The following SLC2A10 variants were observed in gnomAD, a reference collection of about 807,000 sequenced individuals.
The protein encoded by SLC2A10 is solute carrier family 2 member 10, also known as solute carrier family 2, facilitated glucose transporter member 10.
A neutral mutation model predicts 32.1 loss-of-function variants in SLC2A10; 25 were observed. The ratio of observed to expected loss-of-function variants is 0.78; its 90% CI spans 0.57 to 1.09. The LOEUF (loss-of-function observed/expected upper bound fraction) is 1.09. Among genes scored for constraint, SLC2A10 ranks in the 50% least tolerant of loss-of-function variants. The pLI is 0.00. For missense variants in SLC2A10, 673 were observed against 686.5 expected, an observed-to-expected ratio of 0.98 and a Z score of 0.22; for synonymous variants, 332 against 309.6, an observed-to-expected ratio of 1.07 and a Z score of -0.76.
At position 46,734,280 on chromosome 20, in the gene SLC2A10, T is replaced by G. The variant is rs1238773015; in HGVS notation, c.*446T>G. On this transcript the variant is annotated 3_prime_UTR_variant, in exon 5 of 5. Transcript: ENST00000359271. ...CATTTTCGGAAGGGGGAAGTCTCTT[T>G]TTTTACTCTTATCATTTTTTTTTTT... 4.8e-6 allele frequency: 1 copy of G among 207,206 alleles called. No individual in the cohort carries two copies. Among genetic ancestry groups the G allele is most frequent in the Non-Finnish European group, 9.5e-6 (1 of 104,980 alleles). 12.8% of individuals were successfully genotyped at this position (207,206 alleles called of 1,614,324 possible).
chr20:46,724,502 A>C (rs1327252218), intron 1 of SLC2A10, among the ~76,000 whole-genome samples: 1 of 152,190 alleles, frequency 6.6e-6, no homozygotes, highest in Non-Finnish European at 1.5e-5. Context: ...ATTTGGATGG[A>C]TGAAGTAGAT....
At chr20:46,728,877 G>T (rs146482966) in intron 3 of SLC2A10, among the ~76,000 whole-genome samples, 6,676 of 151,958 alleles carry the variant, frequency 0.044, 257 homozygotes, top group East Asian at 0.22. Context: ...CTCCCACTTT[G>T]GCCTCCCAAA....
At chr20:46,714,532 G>A (rs1403589959) in intron 1 of SLC2A10, 1 of 152,724 alleles carries the variant, frequency 6.5e-6, no homozygotes, top group African/African-American at 2.4e-5. Context: ...AGGGAGAGTA[G>A]AGGAACAAGG....
chr20:46,733,825 G>A lies in SLC2A10; in HGVS notation c.1617G>A (p.Ala539=), dbSNP rs114974138. The A allele has an allele frequency of 9.0e-4, 1,446 of 1,614,098 alleles. 12 individuals carry two copies. In the African/African-American group the frequency reaches 0.017, roughly 19 times the overall value. ...CGTACAGCCGCATCGAGATCTCTGC[G>A]GCCTCCTGAGGAATCCGTCTGCCTG... ...GIPYSRIEIS[A]AS Residue 539 remains alanine, a synonymous_variant, in exon 5 of 5, where the codon GCG becomes GCA. Transcript: ENST00000359271.
chr20:46,727,991 A>G (rs1980068324), intron 3 of SLC2A10, among the ~76,000 whole-genome samples: 1 of 152,108 alleles, frequency 6.6e-6, no homozygotes, highest in Non-Finnish European at 1.5e-5. Flanking sequence ...CCCCAGTCTT[A>G]GGGAATCCAA....
At chr20:46,712,293 G>C (rs895444563) in intron 1 of SLC2A10, among the ~76,000 whole-genome samples, 1 of 152,176 alleles carries the variant, frequency 6.6e-6, no homozygotes, top group African/African-American at 2.4e-5. Flanking sequence ...GCCACAGCAG[G>C]TCTCTGGTGC....
In SLC2A10 at chr20:46,731,783, A is replaced by G. The variant is rs77519643; in HGVS notation, c.1548-1973A>G. 6.8e-3 allele frequency among the ~76,000 whole-genome samples: 1,041 copies of G among 152,292 alleles called. 10 individuals carry two copies. The highest frequency in any genetic ancestry group is 0.024 in the African/African-American group (990 of 41,544). On this transcript the variant is annotated intron_variant, in intron 4 of 4. Coordinates refer to ENST00000359271, the MANE Select transcript of SLC2A10 (RefSeq NM_030777.4). ...CAGAGAGAGAGAGAAACTCGACTTT[A>G]GGAACACAGGGACCAGGGCATGTCC...
chr20:46,713,051 T>C (rs1979025464), intron 1 of SLC2A10, among the ~76,000 whole-genome samples: 2 of 152,154 alleles, frequency 1.3e-5, no homozygotes, highest in African/African-American at 4.8e-5. Flanking sequence ...GCCAAGATCC[T>C]TTCTTTCTGG....
intron 1 of SLC2A10, among the ~76,000 whole-genome samples, chr20:46,711,146 T>G (rs533793565): frequency 5.9e-5 from 9 of 152,336 alleles, no homozygotes; most frequent in Admixed American, 5.9e-4. Context: ...GGCGTGAGCC[T>G]CCGCGCCCGG....
chr20:46,711,112 C>T (rs6090543), intron 1 of SLC2A10, among the ~76,000 whole-genome samples: 2,903 of 152,268 alleles, frequency 0.019, 84 homozygotes, highest in African/African-American at 0.065. Flanking sequence ...CCTCGTGATC[C>T]GGCTGCCTCG....
chr20:46,721,366 A>T (rs1174342490), intron 1 of SLC2A10, among the ~76,000 whole-genome samples: 1 of 151,990 alleles, frequency 6.6e-6, no homozygotes, highest in Non-Finnish European at 1.5e-5. Flanking sequence ...CAAATCTCTA[A>T]ATTATTGTCC....
At chr20:46,731,758 C>CAG (rs1009336454) in intron 4 of SLC2A10, among the ~76,000 whole-genome samples, 2 of 151,920 alleles carry the variant, frequency 1.3e-5, no homozygotes, top group African/African-American at 4.8e-5. Context: ...TCAGAGGCCA[C>CAG]AGAGAGAGAG....
At chr20:46,724,883 T>TGGATGGAG (rs1979781480) in intron 1 of SLC2A10, among the ~76,000 whole-genome samples, 158 bp from the exon 2 acceptor site, 1 of 149,354 alleles carries the variant, frequency 6.7e-6, no homozygotes, top group Admixed American at 6.7e-5. Context: ...GACGGATGGA[T>TGGATGGAG]GGATGGATGG....
chr20:46,723,548 A>G (rs1461060739), intron 1 of SLC2A10, among the ~76,000 whole-genome samples: 2 of 152,210 alleles, frequency 1.3e-5, no homozygotes, highest in African/African-American at 4.8e-5. Context: ...TAGATGACCG[A>G]TTTGTTTCCT....
chr20:46,721,940 A>G (rs969956138), intron 1 of SLC2A10, among the ~76,000 whole-genome samples: 1 of 152,202 alleles, frequency 6.6e-6, no homozygotes, highest in Admixed American at 6.5e-5. Context: ...AGAAGTAACA[A>G]ATGTTTACTA....
intron 1 of SLC2A10, among the ~76,000 whole-genome samples, chr20:46,721,239 G>A (rs1355321156): frequency 1.3e-5 from 2 of 152,160 alleles, no homozygotes; most frequent in Non-Finnish European, 2.9e-5. Context: ...ACACCAGGAG[G>A]CATGACTCAT....
intron 4 of SLC2A10, among the ~76,000 whole-genome samples, chr20:46,731,292 G>T (rs891575541): frequency 4.6e-5 from 7 of 152,148 alleles, no homozygotes; most frequent in Non-Finnish European, 7.3e-5. Flanking sequence ...GAGGGGAAGG[G>T]GTGGGCACAG....
In SLC2A10 at chr20:46,709,715, A is replaced by G. The variant is rs886056723; in HGVS notation, c.-22A>G. ...CGCCCGGCCCCTCAGCGCCCCCAGC[A>G]CGCCGCCGAGTCCCGCTCGCCATGG... On this transcript the variant is annotated 5_prime_UTR_variant, in exon 1 of 5. Transcript: ENST00000359271. The G allele has an allele frequency of 2.7e-5, 41 of 1,542,118 alleles. No homozygotes were observed. The highest frequency in any genetic ancestry group is 4.3e-4 in the Middle Eastern group (2 of 4,664).
chr20:46,727,360 A>G lies in SLC2A10; in HGVS notation c.1411+374A>G, dbSNP rs560379333. ...TTTTGAGATGGAATCTTGCTCTGTC[A>G]CCCAGGCTGGAGTGCAGTGGCACAA... On this transcript the variant is annotated intron_variant, in intron 3 of 4. Coordinates refer to ENST00000359271, the MANE Select transcript of SLC2A10 (RefSeq NM_030777.4). Among the ~76,000 whole-genome samples the G allele has an allele frequency of 1.6e-4, 24 of 152,010 alleles. No homozygotes were observed. In the East Asian group the frequency reaches 3.7e-3, roughly 23 times the overall value.
Sources: gnomAD v4.1 joint callset for allele counts (sites outside exome capture counted in the v4.1 genomes callset) on GRCh38, gnomAD v4.1.1 for gene constraint, MANE v1.5 for transcripts, NCBI Gene and HGNC (gene_info 2026-07-23, HGNC 2026-07-21) for gene names.